Variants in ARHGAP15 observed in about 807,000 individuals in gnomAD.
The protein encoded by ARHGAP15 is rho GTPase-activating protein 15.
ARHGAP15 carries 51 observed loss-of-function variants against 63.7 expected under a neutral mutation model. That is an observed-to-expected ratio of 0.80 (90% CI 0.64 to 1.01). The LOEUF (loss-of-function observed/expected upper bound fraction) is 1.01. Among genes scored for constraint, ARHGAP15 ranks in the 50% least tolerant of loss-of-function variants. The pLI is 0.00. For synonymous variants in ARHGAP15, 191 were observed against 193.8 expected (o/e 0.99, Z 0.12); for missense variants, 560 against 564.6 (o/e 0.99, Z 0.08).
At chr2:143,472,946 A>T (rs2105193719) in intron 8 of ARHGAP15, among the ~76,000 whole-genome samples, 1 of 152,282 alleles carries the variant, frequency 6.6e-6, no homozygotes, top group East Asian at 1.9e-4. Context: ...TCCACCATAC[A>T]TCTTGCTCTG....
chr2:143,187,619 C>A (rs1691502673), intron 2 of ARHGAP15, among the ~76,000 whole-genome samples: 2 of 152,158 alleles, frequency 1.3e-5, no homozygotes, highest in Non-Finnish European at 2.9e-5. Context: ...AAACGAATTG[C>A]CCTAAGCCAC....
chr2:143,624,089 T>C, intron 11 of ARHGAP15, 44 bp from the exon 12 acceptor site: 1 of 1,605,224 alleles, frequency 6.2e-7, no homozygotes, highest in Non-Finnish European at 8.5e-7. Flanking sequence ...CTTGTAATTG[T>C]TTCATTAAAA....
intron 6 of ARHGAP15, among the ~76,000 whole-genome samples, chr2:143,324,209 C>T (rs556146064): frequency 3.3e-5 from 5 of 152,234 alleles, no homozygotes; most frequent in African/African-American, 9.6e-5. Flanking sequence ...AACAAAGATT[C>T]GTATGTAATC....
At chr2:143,161,511 A>G (rs1690296085) in intron 2 of ARHGAP15, among the ~76,000 whole-genome samples, 1 of 151,872 alleles carries the variant, frequency 6.6e-6, no homozygotes, top group Non-Finnish European at 1.5e-5. Flanking sequence ...GCTGACAACT[A>G]ATATTATGGT....
intron 2 of ARHGAP15, among the ~76,000 whole-genome samples, chr2:143,179,386 T>C (rs1691135199): frequency 6.6e-6 from 1 of 152,192 alleles, no homozygotes; most frequent in African/African-American, 2.4e-5. Context: ...CTCTTATGTC[T>C]TAAGAAAAGT....
chr2:143,217,170 C>T (rs1407426499), intron 4 of ARHGAP15, among the ~76,000 whole-genome samples: 1 of 152,100 alleles, frequency 6.6e-6, no homozygotes, highest in Non-Finnish European at 1.5e-5. Context: ...GTATTACTAA[C>T]AATTAAAATT....
chr2:143,387,787 G>A (rs2104958364), intron 6 of ARHGAP15, among the ~76,000 whole-genome samples: 1 of 151,866 alleles, frequency 6.6e-6, no homozygotes, highest in South Asian at 2.1e-4. Flanking sequence ...CAGAACCCTT[G>A]TCAGTACCCT....
intron 6 of ARHGAP15, among the ~76,000 whole-genome samples, chr2:143,263,828 GCCT>G (rs2105025623): frequency 6.8e-6 from 1 of 146,954 alleles, no homozygotes; most frequent in South Asian, 2.2e-4. Flanking sequence ...ATGGCTGCTT[GCCT>G]CTCTGTCCTG....
intron 8 of ARHGAP15, among the ~76,000 whole-genome samples, chr2:143,448,293 CTT>C (rs1191327751): frequency 6.6e-6 from 1 of 152,146 alleles, no homozygotes; most frequent in Non-Finnish European, 1.5e-5. Flanking sequence ...AAAATTAGGA[CTT>C]TTCACTATAA....
At chr2:143,712,974 CT>C (rs1179181269) in intron 13 of ARHGAP15, among the ~76,000 whole-genome samples, 2 of 152,214 alleles carry the variant, frequency 1.3e-5, no homozygotes, top group African/African-American at 4.8e-5. Context: ...GCTATATCCC[CT>C]AGCACCGTGT....
In ARHGAP15 at chr2:143,407,319, A is replaced by G. The variant is rs371910540; in HGVS notation, c.475-28282A>G. Among the ~76,000 whole-genome samples the G allele has an allele frequency of 6.6e-5, 10 of 151,852 alleles. No individual in the cohort carries two copies. The South Asian group carries it at 2.1e-3, about 31-fold the overall frequency. ...AAATATAACCCATTCATATTTTTTA[A>G]GATGAAGTGTTTAATATTTCTGTGA... On this transcript the variant is annotated intron_variant, in intron 6 of 13. Transcript: ENST00000295095.
At chr2:143,335,365 A>G (rs1684725705) in intron 6 of ARHGAP15, among the ~76,000 whole-genome samples, 1 of 152,210 alleles carries the variant, frequency 6.6e-6, no homozygotes, top group Admixed American at 6.5e-5. Flanking sequence ...GTGATACAAT[A>G]CTGTTTTAAG....
At chr2:143,581,503 C>G (rs964190694) in intron 11 of ARHGAP15, among the ~76,000 whole-genome samples, 1 of 152,156 alleles carries the variant, frequency 6.6e-6, no homozygotes, top group Non-Finnish European at 1.5e-5. Context: ...GGCAACCTCT[C>G]CTTCTCTCCT....
At chr2:143,583,816 C>T (rs1048000890) in intron 11 of ARHGAP15, among the ~76,000 whole-genome samples, 1 of 152,174 alleles carries the variant, frequency 6.6e-6, no homozygotes, top group African/African-American at 2.4e-5. Context: ...AACCAATTAC[C>T]AAAGAATACT....
intron 3 of ARHGAP15, among the ~76,000 whole-genome samples, chr2:143,213,720 C>A (rs1230410420): frequency 3.9e-5 from 6 of 152,258 alleles, no homozygotes; most frequent in Admixed American, 3.3e-4. Context: ...TGGAAGGCAG[C>A]CTGACTTTGG....
intron 12 of ARHGAP15, among the ~76,000 whole-genome samples, chr2:143,673,762 A>ATG: frequency 1.3e-5 from 1 of 77,724 alleles, no homozygotes; most frequent in Non-Finnish European, 2.8e-5. Context: ...GTGTGTGTAT[A>ATG]TATATATATA....
At chr2:143,136,551 T>G (rs551004268) in intron 1 of ARHGAP15, among the ~76,000 whole-genome samples, 1 of 151,418 alleles carries the variant, frequency 6.6e-6, no homozygotes, top group Non-Finnish European at 1.5e-5. Flanking sequence ...TTTACAACCT[T>G]TTAGTCAGAC....
chr2:143,701,247 C>A (rs1047533830), intron 12 of ARHGAP15, among the ~76,000 whole-genome samples: 5 of 152,100 alleles, frequency 3.3e-5, no homozygotes, highest in Admixed American at 6.6e-5. Context: ...TAAAAAAATT[C>A]TTTTGCGACA....
intron 1 of ARHGAP15, among the ~76,000 whole-genome samples, chr2:143,152,917 G>A (rs1457872521): frequency 6.6e-6 from 1 of 151,950 alleles, no homozygotes; most frequent in Non-Finnish European, 1.5e-5. Flanking sequence ...GGTAGAGAGA[G>A]AGATCCGCCT....
Sources: allele counts gnomAD v4.1 joint callset (sites outside exome capture counted in the v4.1 genomes callset), GRCh38; gene constraint gnomAD v4.1.1; transcripts MANE v1.5; gene names NCBI Gene and HGNC (gene_info 2026-07-23, HGNC 2026-07-21).